PRKG1: variants seen among roughly 807,000 people sequenced by gnomAD.
The protein encoded by PRKG1 is protein kinase cGMP-dependent 1, also known as cGMP-dependent protein kinase 1.
Under a neutral mutation model 88.1 loss-of-function variants are expected in PRKG1, and 35 were observed. The ratio of observed to expected loss-of-function variants is 0.40; its 90% CI spans 0.30 to 0.53. PRKG1 has a LOEUF of 0.53. Among genes scored for constraint, PRKG1 ranks in the 20% least tolerant of loss-of-function variants. The pLI is 0.59. For missense variants in PRKG1, 540 were observed against 839.8 expected, an observed-to-expected ratio of 0.64 and a Z score of 4.41; for synonymous variants, 303 against 292.5, an observed-to-expected ratio of 1.04 and a Z score of -0.37.
chr10:52,212,133 A>G (rs1299475527), intron 9 of PRKG1, among the ~76,000 whole-genome samples: 1 of 152,192 alleles, frequency 6.6e-6, no homozygotes, highest in Admixed American at 6.5e-5. Context: ...GGGCTGCCAC[A>G]TGGTCGGATA....
At chr10:51,744,054 G>A (rs1423143242) in intron 3 of PRKG1, among the ~76,000 whole-genome samples, 1 of 151,418 alleles carries the variant, frequency 6.6e-6, no homozygotes, top group Admixed American at 6.6e-5. Flanking sequence ...TAAATTTCTT[G>A]TACTGTAAAC....
At chr10:51,695,396 A>G (rs930766085) in intron 3 of PRKG1, 1 of 152,210 alleles carries the variant, frequency 6.6e-6, no homozygotes, top group Non-Finnish European at 1.5e-5. Flanking sequence ...TTTTCATTAA[A>G]AACAAAAGGT....
chr10:51,876,308 G>A, intron 4 of PRKG1, among the ~76,000 whole-genome samples: 1 of 152,148 alleles, frequency 6.6e-6, no homozygotes, highest in East Asian at 1.9e-4. Context: ...TAGTGGAAAG[G>A]GGGAAGTAGA....
chr10:51,992,233 T>C (rs541040899), intron 5 of PRKG1, among the ~76,000 whole-genome samples: 35 of 152,280 alleles, frequency 2.3e-4, no homozygotes, highest in African/African-American at 8.4e-4. Context: ...ACTGAAATTA[T>C]ATGCCCAATT....
At chr10:51,634,772 C>T (rs4935276) in intron 3 of PRKG1, among the ~76,000 whole-genome samples, 113,167 of 152,012 alleles carry the variant, frequency 0.74, 43,901 homozygotes, top group Non-Finnish European at 0.85. Context: ...GAATGAGATT[C>T]TATCCTTTGC....
At chr10:51,860,025 G>T (rs776416880) in intron 4 of PRKG1, among the ~76,000 whole-genome samples, 2 of 151,978 alleles carry the variant, frequency 1.3e-5, no homozygotes, top group Admixed American at 6.6e-5. Context: ...TTAGGTACTC[G>T]TGTCATCCCT....
intron 2 of PRKG1, among the ~76,000 whole-genome samples, chr10:51,260,426 C>A (rs1367980375): frequency 6.6e-6 from 1 of 151,580 alleles, no homozygotes; most frequent in Non-Finnish European, 1.5e-5. Flanking sequence ...TCATGTTGTG[C>A]TACAATTTAA....
intron 2 of PRKG1, among the ~76,000 whole-genome samples, chr10:51,378,819 G>T (rs374142791): frequency 6.6e-6 from 1 of 152,066 alleles, no homozygotes; most frequent in Non-Finnish European, 1.5e-5. Flanking sequence ...TTATATGAAA[G>T]AATTCATATT....
chr10:52,058,736 C>A (rs959128357), intron 6 of PRKG1, among the ~76,000 whole-genome samples: 1 of 151,580 alleles, frequency 6.6e-6, no homozygotes, highest in Non-Finnish European at 1.5e-5. Flanking sequence ...GTATGACTTG[C>A]GATTAGATAG....
chr10:52,254,938 G>C (rs1023654219), intron 10 of PRKG1, among the ~76,000 whole-genome samples: 7 of 152,028 alleles, frequency 4.6e-5, no homozygotes, highest in Non-Finnish European at 8.8e-5. Flanking sequence ...ACATTCACTT[G>C]TTTAATATCA....
Position 52,290,444 on chromosome 10 carries a change from C to A in PRKG1, c.1962+154C>A, listed in dbSNP as rs114131500. Among the ~76,000 whole-genome samples, 649 of 152,240 alleles carry A rather than the reference C, an allele frequency of 4.3e-3. 5 individuals carry two copies. Among genetic ancestry groups the A allele is most frequent in the African/African-American group, 0.015 (625 of 41,552 alleles). On this transcript the variant is annotated intron_variant, in intron 17 of 17. Transcript: ENST00000373980. ...TTAAAATAATGACATATTCTAAAAT[C>A]CAAACTTGAAAGCAGATAAATTTGG... is the stretch of plus-strand genomic sequence containing the variant.
chr10:51,393,306 G>A (rs937247181), intron 2 of PRKG1, among the ~76,000 whole-genome samples: 24 of 151,086 alleles, frequency 1.6e-4, no homozygotes, highest in Admixed American at 3.3e-4. Context: ...ATGGGATGGC[G>A]GCCGGGAAGA....
chr10:51,968,820 CAAAAA>C (rs56810665), intron 5 of PRKG1, among the ~76,000 whole-genome samples: 1 of 105,458 alleles, frequency 9.5e-6, no homozygotes, highest in Admixed American at 1.0e-4. Flanking sequence ...AAAACTCCAT[CAAAAA>C]AAAAAAAAAA....
intron 4 of PRKG1, among the ~76,000 whole-genome samples, chr10:51,823,751 T>C (rs894997939): frequency 6.6e-6 from 1 of 151,976 alleles, no homozygotes; most frequent in Non-Finnish European, 1.5e-5. Context: ...ACCTAAACTA[T>C]GGTAGTATTC....
chr10:51,694,893 A>T (rs1160109910), intron 3 of PRKG1, among the ~76,000 whole-genome samples: 2 of 152,200 alleles, frequency 1.3e-5, no homozygotes, highest in Non-Finnish European at 2.9e-5. Context: ...AGAAGTGAGG[A>T]GAATCTATTT....
chr10:51,955,435 T>C (rs1350565047), intron 5 of PRKG1, among the ~76,000 whole-genome samples: 1 of 152,176 alleles, frequency 6.6e-6, no homozygotes, highest in African/African-American at 2.4e-5. Flanking sequence ...ACTATACTTT[T>C]AATAGTGTAT....
At chr10:51,627,879 C>CCCTCCCCTTCCTTCCCTTCCTTCCCTT in intron 3 of PRKG1, among the ~76,000 whole-genome samples, 1 of 72,122 alleles carries the variant, frequency 1.4e-5, no homozygotes, top group East Asian at 6.6e-4. Context: ...TCCTTCCCTT[C>CCCTCCCCTTCCTTCCCTTCCTTCCCTT]CCTTCCCTTC....
chr10:52,219,786 A>T (rs1840198511), intron 9 of PRKG1, among the ~76,000 whole-genome samples: 1 of 152,222 alleles, frequency 6.6e-6, no homozygotes, highest in Non-Finnish European at 1.5e-5. Context: ...AACACTGGGC[A>T]TATTTATAAT....
At chr10:51,935,297 T>C (rs1445082199) in intron 5 of PRKG1, among the ~76,000 whole-genome samples, 1 of 152,052 alleles carries the variant, frequency 6.6e-6, no homozygotes. Flanking sequence ...TTGTTAAATA[T>C]AGAGGAAAAC....
Sources: allele counts gnomAD v4.1 joint callset (sites outside exome capture counted in the v4.1 genomes callset), GRCh38; gene constraint gnomAD v4.1.1; transcripts MANE v1.5; gene names NCBI Gene and HGNC (gene_info 2026-07-23, HGNC 2026-07-21).